The following SPHK2 variants were observed in gnomAD, a reference collection of about 807,000 sequenced individuals.
SPHK2 encodes the protein sphingosine kinase 2.
In SPHK2, 18 loss-of-function variants were observed where a neutral mutation model predicts 32.3. The observed-to-expected ratio is 0.56, with a 90% CI of 0.39 to 0.83. The LOEUF (loss-of-function observed/expected upper bound fraction) is 0.83. Among genes scored for constraint, SPHK2 ranks in the 40% least tolerant of loss-of-function variants. The pLI is 0.00. For missense variants in SPHK2, 850 were observed against 908.7 expected, an observed-to-expected ratio of 0.94 and a Z score of 0.83; for synonymous variants, 462 against 417.6, an observed-to-expected ratio of 1.11 and a Z score of -1.30.
intron 3 of SPHK2, among the ~76,000 whole-genome samples, chr19:48,627,027 G>A (rs1291401136): frequency 1.3e-5 from 2 of 149,412 alleles, no homozygotes; most frequent in Non-Finnish European, 3.0e-5. Context: ...CCAGCTACTC[G>A]GGAGGCTGAG....
In SPHK2 at chr19:48,628,720, C is replaced by G; in HGVS notation, c.912C>G (p.Cys304Trp). ...TGGGCCTCGACCTGTTGCTCAACTG[C>G]TCACTGTTGCTGTGCCGGGGTGGTG... Reference protein sequence around the residue: ...PALGLDLLLNCSLLLCRGGGH... With the variant: ...PALGLDLLLNWSLLLCRGGGH... The change falls in exon 7 of 7, where the codon TGC becomes TGG. Residue 304 changes from cysteine (C) to tryptophan (W), a missense_variant. Physicochemically the swap from Cys to Trp is radical, Grantham distance 215. Coordinates refer to ENST00000245222, the MANE Select transcript of SPHK2 (RefSeq NM_020126.5). The surrounding 1 kb of genome is among the most constrained non-coding windows in gnomAD (Gnocchi z 5.2). 1 of 1,612,944 alleles carries G rather than the reference C, an allele frequency of 6.2e-7. No homozygotes were observed. The highest frequency in any genetic ancestry group is 8.5e-7 in the Non-Finnish European group (1 of 1,180,032).
chr19:48,627,002 C>T (rs1488720815), intron 3 of SPHK2, among the ~76,000 whole-genome samples: 3 of 151,032 alleles, frequency 2.0e-5, no homozygotes, highest in African/African-American at 7.3e-5. Context: ...GGCATGGTGA[C>T]GGATGCCTGT....
At chr19:48,627,012 T>C (rs2029971998) in intron 3 of SPHK2, among the ~76,000 whole-genome samples, 1 of 151,618 alleles carries the variant, frequency 6.6e-6, no homozygotes, top group South Asian at 2.1e-4. Context: ...CGGATGCCTG[T>C]AATTCCAGCT....
rs543528418 is a variant in SPHK2, at chr19:48,622,963, G to T, written c.39+2410G>T. Among the ~76,000 whole-genome samples the T allele has an allele frequency of 2.9e-3, 435 of 151,110 alleles. 3 individuals carry two copies. The highest frequency in any genetic ancestry group is 9.5e-3 in the African/African-American group (393 of 41,290). On this transcript the variant is annotated intron_variant, in intron 2 of 6. Coordinates refer to ENST00000245222, the MANE Select transcript of SPHK2 (RefSeq NM_020126.5). ...TATTTTTAGTAGAGATGGGGGTTTTGGACCAGTGAGGTGGCTCACGCCTGT... is the reference window on the plus strand; with the variant it reads ...TATTTTTAGTAGAGATGGGGGTTTTTGACCAGTGAGGTGGCTCACGCCTGT...
chr19:48,628,950 C>A lies in SPHK2; in HGVS notation c.1142C>A (p.Ala381Asp). 1 of 1,613,626 alleles carries A rather than the reference C, an allele frequency of 6.2e-7. No homozygotes were observed. The highest frequency in any genetic ancestry group is 1.3e-5 in the African/African-American group (1 of 75,050). Residue 381 changes from alanine to aspartate, a missense_variant, in exon 7 of 7, where the codon GCC (alanine) becomes GAC (aspartate). Transcript: ENST00000245222. The surrounding 1 kb of genome is among the most constrained non-coding windows in gnomAD (Gnocchi z 5.2). The part of the protein sequence containing the change: ...TYRGRLSYLP[A>D]TVEPASPTPA... Reference sequence around the variant, plus strand: ...CGCGGACGCCTCTCCTACCTCCCCGCCACTGTGGAACCTGCCTCGCCCACC... The same window carrying A: ...CGCGGACGCCTCTCCTACCTCCCCGACACTGTGGAACCTGCCTCGCCCACC...
chr19:48,625,413 G>C (rs3760811), intron 2 of SPHK2: 84,187 of 1,178,218 alleles, frequency 0.071, 3,427 homozygotes, highest in Admixed American at 0.18. Context: ...TGGGGGTGTC[G>C]GGGAGGTGTG....
In SPHK2 at chr19:48,629,430, T is replaced by C; in HGVS notation, c.1622T>C (p.Met541Thr). 6.2e-7 allele frequency: 1 copy of C among 1,610,868 alleles called. No individual in the cohort carries two copies. The highest frequency in any genetic ancestry group is 1.1e-5 in the South Asian group (1 of 90,952). Residue 541 changes from methionine to threonine, a missense_variant, in exon 7 of 7, where the codon ATG becomes ACG. By Grantham distance (81) the Met-to-Thr change is moderately conservative. Around this residue, in one of 2 missense-constraint regions of SPHK2, gnomAD observed 306 missense variants for 268.6 expected, o/e 1.14. Transcript: ENST00000245222. ...ACGCTGGAGGGGGACTTTGTGCTCA[T>C]GTTGGCCATCTCGCCCAGCCACCTA... ...WVTLEGDFVLMLAISPSHLGA... is the reference protein window; with the variant it reads ...WVTLEGDFVLTLAISPSHLGA...
At chr19:48,627,882 T>A (rs892144729) in intron 4 of SPHK2, 41 bp downstream of exon 4, 24 of 1,593,514 alleles carry the variant, frequency 1.5e-5, no homozygotes, top group Non-Finnish European at 2.0e-5. Context: ...CTGGGACAGC[T>A]GAGTCCTAAG....
Position 48,630,297 on chromosome 19 carries a change from G to C in SPHK2, c.*524G>C, listed in dbSNP as rs2030503937. On this transcript the variant is annotated 3_prime_UTR_variant, in exon 7 of 7. Transcript: ENST00000245222. The surrounding 1 kb of genome is among the most constrained non-coding windows in gnomAD (Gnocchi z 4.9). ...CTAATGTTCCTCTCCCCGCGGGTGG[G>C]GGCGGGGAAATTCATATCCCCTGTT... 1 of 1,288,458 alleles carries C rather than the reference G, an allele frequency of 7.8e-7. No individual in the cohort carries two copies. Among genetic ancestry groups the C allele is most frequent in the African/African-American group, 1.5e-5 (1 of 65,036 alleles). The allele number at this position is 1,288,458 out of a possible 1,614,324, so 79.8% of individuals were successfully genotyped here.
In SPHK2 at chr19:48,629,235, G is replaced by A. The variant is rs139969917; in HGVS notation, c.1427G>A (p.Gly476Asp). ...SPDPLLSSPP[G>D]SPKAALHSPV... ...GACCCACTGCTGTCTTCACCTCCTG[G>A]CTCTCCCAAGGCAGCTCTACACTCA... Residue 476 changes from glycine (G) to aspartate (D), a missense_variant, in exon 7 of 7, where the codon GGC (glycine) becomes GAC (aspartate). By Grantham distance (94) the Gly-to-Asp change is moderately conservative. Around this residue, in one of 2 missense-constraint regions of SPHK2, gnomAD observed 306 missense variants for 268.6 expected, o/e 1.14. Coordinates refer to ENST00000245222, the MANE Select transcript of SPHK2 (RefSeq NM_020126.5). The A allele has an allele frequency of 3.7e-5, 60 of 1,613,348 alleles. No individual in the cohort carries two copies. Among genetic ancestry groups the A allele is most frequent in the Middle Eastern group, 3.3e-4 (2 of 6,082 alleles).
intron 3 of SPHK2, among the ~76,000 whole-genome samples, chr19:48,626,997 G>T (rs767191547): frequency 5.3e-5 from 8 of 151,920 alleles, no homozygotes; most frequent in African/African-American, 7.3e-5. Context: ...AGCCGGGCAT[G>T]GTGACGGATG....
At chr19:48,624,875 G>C (rs1974543133) in intron 2 of SPHK2, 1 of 981,298 alleles carries the variant, frequency 1.0e-6, no homozygotes. Flanking sequence ...CAGGCGGTGG[G>C]GGGTGGGGGG....
Position 48,630,398 on chromosome 19 carries a change from T to A in SPHK2, c.*625T>A. The A allele has an allele frequency of 7.2e-7, 1 of 1,387,026 alleles. No individual in the cohort carries two copies. The highest frequency in any genetic ancestry group is 9.3e-7 in the Non-Finnish European group (1 of 1,072,218). 85.9% of individuals were successfully genotyped at this position (1,387,026 alleles called of 1,614,324 possible). A position where few individuals can be genotyped will look rare whatever the true frequency, so the allele number is the denominator to read the frequency against. ...TATGCAATAAAGGCAGTCGCTTCAT[T>A]CCTCTCAGACCTTCTGCCCTTCCTC... On this transcript the variant is annotated 3_prime_UTR_variant, in exon 7 of 7. Transcript: ENST00000245222. This position sits in a 1 kb window ranked among gnomAD's most constrained non-coding sequence, Gnocchi z 4.9.
chr19:48,629,151 G>A lies in SPHK2; in HGVS notation c.1343G>A (p.Gly448Asp), dbSNP rs200337875. The A allele has an allele frequency of 1.5e-5, 24 of 1,613,404 alleles. No homozygotes were observed. Among genetic ancestry groups the A allele is most frequent in the African/African-American group, 2.7e-5 (2 of 75,046 alleles). Residue 448 changes from glycine to aspartate, a missense_variant, in exon 7 of 7, where the codon GGT becomes GAT. Gly to Asp is a moderately conservative substitution (Grantham distance 94). Transcript: ENST00000245222. ...CCCCTGCCCATCCTGTCCCTCAACG[G>A]TGGGGGCCCAGAGCTGGCTGGGGAC... ...PEPLPILSLN[G>D]GGPELAGDWG...
In SPHK2 at chr19:48,629,532, T is replaced by C; in HGVS notation, c.1724T>C (p.Ile575Thr). ...LVHLCWVRSG[I>T]SRAALLRLFL... Reference sequence around the variant, plus strand: ...CACCTGTGCTGGGTGCGTAGCGGCATCTCGCGGGCTGCGCTGCTGCGCCTT... The same window carrying C: ...CACCTGTGCTGGGTGCGTAGCGGCACCTCGCGGGCTGCGCTGCTGCGCCTT... The change falls in exon 7 of 7, where the codon ATC becomes ACC. Residue 575 changes from isoleucine (I) to threonine (T), a missense_variant. Coordinates refer to ENST00000245222, the MANE Select transcript of SPHK2 (RefSeq NM_020126.5). 6.2e-7 allele frequency: 1 copy of C among 1,604,860 alleles called. No individual in the cohort carries two copies.
intron 3 of SPHK2, 59 bp from the exon 4 acceptor site, chr19:48,627,631 CTG>C: frequency 6.6e-7 from 1 of 1,511,676 alleles, no homozygotes; most frequent in Non-Finnish European, 8.9e-7. Flanking sequence ...GATGAAGGGA[CTG>C]TTTCCAAGGT....
In SPHK2 at chr19:48,629,589, G is replaced by T; in HGVS notation, c.1781G>T (p.Ser594Ile). The change falls in exon 7 of 7, where the codon AGC becomes ATC. Residue 594 changes from serine (S) to isoleucine (I), a missense_variant. By Grantham distance (142) the Ser-to-Ile change is moderately radical. Coordinates refer to ENST00000245222, the MANE Select transcript of SPHK2 (RefSeq NM_020126.5). ...FLAMERGSHF[S>I]LGCPQLGYAA... The stretch of plus-strand genomic sequence containing the variant: ...GCCATGGAGCGTGGTAGCCACTTCA[G>T]CCTGGGCTGTCCGCAGCTGGGCTAC... The T allele has an allele frequency of 6.3e-7, 1 of 1,599,562 alleles. No homozygotes were observed. The highest frequency in any genetic ancestry group is 8.5e-7 in the Non-Finnish European group (1 of 1,173,414).
At chr19:48,625,701 C>G (rs1974582428) in intron 2 of SPHK2, 190 bp from the exon 3 acceptor site, 31 of 1,534,906 alleles carry the variant, frequency 2.0e-5, no homozygotes, top group Non-Finnish European at 2.7e-5. Context: ...TCTCCGGCCC[C>G]CTCTGGGATG....
rs1468312791 is a variant in SPHK2, at chr19:48,629,191, G to A, written c.1383G>A (p.Gly461=). ...TGGCTGGGGACTGGGGTGGGGCTGG[G>A]GATGCTCCGCTGTCCCCGGACCCAC... ...PELAGDWGGA[G]DAPLSPDPLL... is the part of the protein sequence containing the mutation. Residue 461 remains glycine (G), a synonymous_variant, in exon 7 of 7, where the codon GGG becomes GGA. Transcript: ENST00000245222. The A allele has an allele frequency of 4.3e-6, 7 of 1,613,324 alleles. No individual in the cohort carries two copies. The highest frequency in any genetic ancestry group is 1.1e-5 in the South Asian group (1 of 91,082).
Sources: allele counts gnomAD v4.1 joint callset (sites outside exome capture counted in the v4.1 genomes callset), GRCh38; gene constraint gnomAD v4.1.1; regional missense constraint gnomAD v4.1.1; non-coding constraint Gnocchi (gnomAD v3.1); transcripts MANE v1.5; gene names NCBI Gene and HGNC (gene_info 2026-07-23, HGNC 2026-07-21).